Variants in GRM7 observed in about 807,000 individuals in gnomAD.
GRM7 encodes metabotropic glutamate receptor 7.
Under a neutral mutation model 84.5 loss-of-function variants are expected in GRM7, and 35 were observed. The ratio of observed to expected loss-of-function variants is 0.41; its 90% CI spans 0.32 to 0.55. The LOEUF (loss-of-function observed/expected upper bound fraction) is 0.55, where lower values mean the gene tolerates loss of function less well. Among genes scored for constraint, GRM7 ranks in the 20% least tolerant of loss-of-function variants. The probability of loss-of-function intolerance (pLI) is 0.19; values close to 1 mark genes in which losing one functional copy is unlikely to be tolerated. For missense variants in GRM7, 1,003 were observed against 1,194.6 expected, an observed-to-expected ratio of 0.84 and a Z score of 2.36; for synonymous variants, 487 against 455.1, an observed-to-expected ratio of 1.07 and a Z score of -0.89.
intron 8 of GRM7, among the ~76,000 whole-genome samples, chr3:7,590,707 G>A (rs922354131): frequency 1.3e-5 from 2 of 152,072 alleles, no homozygotes; most frequent in Admixed American, 1.3e-4. Flanking sequence ...CTGTCACGCA[G>A]ACCTTTCCAT....
rs149157855 is a variant in GRM7, at chr3:7,620,203, A to G, written c.2451+40846A>G. Among the ~76,000 whole-genome samples the G allele has an allele frequency of 6.5e-4, 99 of 152,296 alleles. 1 individual carries two copies. The highest frequency in any genetic ancestry group is 2.1e-3 in the African/African-American group (86 of 41,590). On this transcript the variant is annotated intron_variant, in intron 8 of 9. Transcript: ENST00000357716. ...GAACAAAAATTTTGCTTCCATTGCCAGATTTAGCAAATAAAACTATAAAAA... is the reference window on the plus strand; with the variant it reads ...GAACAAAAATTTTGCTTCCATTGCCGGATTTAGCAAATAAAACTATAAAAA...
At chr3:7,125,262 A>G (rs910328751) in intron 1 of GRM7, among the ~76,000 whole-genome samples, 3 of 152,176 alleles carry the variant, frequency 2.0e-5, no homozygotes, top group Admixed American at 6.5e-5. Flanking sequence ...TTAGCTGCAC[A>G]GGGAGGCTAA....
At chr3:7,673,467 C>A (rs1172466912) in intron 8 of GRM7, among the ~76,000 whole-genome samples, 2 of 146,052 alleles carry the variant, frequency 1.4e-5, no homozygotes, top group Non-Finnish European at 3.0e-5. Flanking sequence ...ACAGGACTTA[C>A]AGGAAACCGG....
At chr3:7,062,755 T>G (rs939321323) in intron 1 of GRM7, among the ~76,000 whole-genome samples, 4 of 151,764 alleles carry the variant, frequency 2.6e-5, no homozygotes, top group African/African-American at 9.7e-5. Flanking sequence ...ATATCAACAT[T>G]AGATGGTTGT....
At chr3:6,927,209 C>T (rs1395853081) in intron 1 of GRM7, among the ~76,000 whole-genome samples, 1 of 152,114 alleles carries the variant, frequency 6.6e-6, no homozygotes, top group Non-Finnish European at 1.5e-5. Flanking sequence ...AGACGGATCA[C>T]TTGAGGCCAG....
At chr3:7,461,864 A>G (rs1698262419) in intron 7 of GRM7, 142 bp downstream of exon 7, 2 of 700,682 alleles carry the variant, frequency 2.9e-6, no homozygotes, top group Non-Finnish European at 2.5e-6. Flanking sequence ...ATCAGCAGGA[A>G]CTGATATCCA....
intron 1 of GRM7, among the ~76,000 whole-genome samples, chr3:6,871,440 AT>A (rs1392312605): frequency 6.6e-6 from 1 of 152,102 alleles, no homozygotes; most frequent in Non-Finnish European, 1.5e-5. Context: ...TAAGAAAAAA[AT>A]AAGGGGCTTA....
intron 7 of GRM7, chr3:7,561,512 G>A (rs1321885259): frequency 2.2e-6 from 1 of 456,544 alleles, no homozygotes; most frequent in East Asian, 7.0e-5. Flanking sequence ...GAGACCATTT[G>A]TGCCTGCTAC....
At chr3:7,504,893 C>CTAGAGA in intron 7 of GRM7, among the ~76,000 whole-genome samples, 2 of 152,150 alleles carry the variant, frequency 1.3e-5, no homozygotes. Context: ...CTTAACCATT[C>CTAGAGA]CAGTATCAAC....
chr3:6,938,538 A>G (rs893193629), intron 1 of GRM7, among the ~76,000 whole-genome samples: 1 of 152,192 alleles, frequency 6.6e-6, no homozygotes, highest in African/African-American at 2.4e-5. Context: ...TCACTGCGGT[A>G]GGCTTAGAGG....
chr3:7,022,461 CA>C (rs1185358586), intron 1 of GRM7, among the ~76,000 whole-genome samples: 1 of 151,722 alleles, frequency 6.6e-6, no homozygotes, highest in Non-Finnish European at 1.5e-5. Context: ...GCCTCTGTAG[CA>C]GCCAGTACTG....
At chr3:7,270,120 C>T (rs1575104908) in intron 2 of GRM7, among the ~76,000 whole-genome samples, 1 of 152,208 alleles carries the variant, frequency 6.6e-6, no homozygotes, top group East Asian at 1.9e-4. Context: ...TCTTGGGATG[C>T]TGATGCTGCT....
At position 6,861,489 on chromosome 3, in the gene GRM7, G is replaced by C; in HGVS notation, c.101G>C (p.Gly34Ala). The C allele has an allele frequency of 6.3e-7, 1 of 1,580,004 alleles. No individual in the cohort carries two copies. ...LLCALAAAAR[G>A]QEMYAPHSIR... ...TGCGCGCTGGCGGCGGCGGCGCGCG[G>C]CCAGGAGATGTACGCCCCGCACTCA... Residue 34 changes from glycine (G) to alanine (A), a missense_variant, in exon 1 of 10, where the codon GGC becomes GCC. Around this residue, in one of 2 missense-constraint regions of GRM7, gnomAD observed 93 missense variants for 68.6 expected, o/e 1.36. Transcript: ENST00000357716. The surrounding 1 kb of genome is among the most constrained non-coding windows in gnomAD (Gnocchi z 6.4).
chr3:7,461,495 TTAAG>T (rs1329130224), intron 6 of GRM7, 84 bp from the exon 7 acceptor site: 1 of 1,121,340 alleles, frequency 8.9e-7, no homozygotes, highest in Non-Finnish European at 1.3e-6. Flanking sequence ...TTTCTCCTCG[TTAAG>T]TCTCTAGCCT....
intron 4 of GRM7, among the ~76,000 whole-genome samples, chr3:7,365,631 G>A (rs1163298645): frequency 9.0e-6 from 1 of 110,838 alleles, no homozygotes; most frequent in Non-Finnish European, 1.8e-5. Context: ...TAATATGCAT[G>A]TGTGTGTGCG....
chr3:7,408,257 A>T (rs946839370), intron 4 of GRM7, among the ~76,000 whole-genome samples: 12 of 152,168 alleles, frequency 7.9e-5, no homozygotes, highest in Non-Finnish European at 1.5e-4. Flanking sequence ...TTTCCCAAGC[A>T]GTTTAAAGGG....
rs6792373 is a variant in GRM7, at chr3:7,094,997, C to A, written c.520-51455C>A. 2.7e-5 allele frequency among the ~76,000 whole-genome samples: 4 copies of A among 148,622 alleles called. No individual in the cohort carries two copies. The East Asian group carries it at 5.9e-4, about 22-fold the overall frequency. On this transcript the variant is annotated intron_variant, in intron 1 of 9. Transcript: ENST00000357716. ...GCTGATAGACTTTTTTTTTTTTTAACCTGGGGAGTCTTGTGGCCCATCCCT... is the reference window on the plus strand; with the variant it reads ...GCTGATAGACTTTTTTTTTTTTTAAACTGGGGAGTCTTGTGGCCCATCCCT...
Position 6,952,344 on chromosome 3 carries a change from C to T in GRM7, c.519+90437C>T, listed in dbSNP as rs1025630190. Among the ~76,000 whole-genome samples the T allele has an allele frequency of 4.6e-5, 7 of 150,698 alleles. 1 individual carries two copies. The highest frequency in any genetic ancestry group is 3.3e-4 in the Admixed American group (5 of 15,132). On this transcript the variant is annotated intron_variant, in intron 1 of 9. Coordinates refer to ENST00000357716, the MANE Select transcript of GRM7 (RefSeq NM_000844.4). The stretch of plus-strand genomic sequence containing the variant: ...CTGTGTGCGCCTATTACCTCTAAAC[C>T]TTGTTTTTTCTGATTTCTTTGCATG...
intron 9 of GRM7, among the ~76,000 whole-genome samples, chr3:7,713,487 C>T (rs1701664061): frequency 1.3e-5 from 2 of 151,956 alleles, no homozygotes; most frequent in Non-Finnish European, 2.9e-5. Flanking sequence ...TATAATGTGG[C>T]CCCTGTCAAA....
Sources: allele counts gnomAD v4.1 joint callset (sites outside exome capture counted in the v4.1 genomes callset), GRCh38; gene constraint gnomAD v4.1.1; regional missense constraint gnomAD v4.1.1; non-coding constraint Gnocchi (gnomAD v3.1); transcripts MANE v1.5; gene names NCBI Gene and HGNC (gene_info 2026-07-23, HGNC 2026-07-21).